The following RIC8B variants were observed in gnomAD, a reference collection of about 807,000 sequenced individuals.
The protein encoded by RIC8B is chaperone Ric-8B.
RIC8B carries 16 observed loss-of-function variants against 57.5 expected under a neutral mutation model. The ratio of observed to expected loss-of-function variants is 0.28; its 90% CI spans 0.19 to 0.42. The LOEUF (loss-of-function observed/expected upper bound fraction) is 0.42. Ranked by LOEUF, RIC8B falls within the 10% of genes least tolerant of loss-of-function variation. The pLI, the probability that RIC8B is intolerant of heterozygous loss-of-function variation, is 1.00. For synonymous variants in RIC8B, 216 were observed against 250.8 expected, an observed-to-expected ratio of 0.86 and a Z score of 1.31; for missense variants, 481 against 677.0, an observed-to-expected ratio of 0.71 and a Z score of 3.21.
intron 6 of RIC8B, among the ~76,000 whole-genome samples, chr12:106,846,642 T>C (rs1482108623): frequency 2.0e-5 from 3 of 152,064 alleles, no homozygotes; most frequent in Admixed American, 2.0e-4. Context: ...AAATACTTTT[T>C]TTCTGCATTT....
intron 8 of RIC8B, chr12:106,868,383 A>T (rs909873024): frequency 1.8e-5 from 8 of 455,848 alleles, no homozygotes; most frequent in African/African-American, 1.4e-4. Context: ...ACCTTCCCTT[A>T]TACTTTCTTC....
intron 6 of RIC8B, among the ~76,000 whole-genome samples, chr12:106,850,227 A>G (rs139170349): frequency 5.0e-3 from 758 of 152,334 alleles, no homozygotes; most frequent in South Asian, 0.02. Flanking sequence ...ATTATCTTCC[A>G]TGAAACTGGC....
intron 9 of RIC8B, among the ~76,000 whole-genome samples, chr12:106,880,748 T>C (rs1024823548): frequency 6.6e-6 from 1 of 152,096 alleles, no homozygotes; most frequent in African/African-American, 2.4e-5. Context: ...ACTGAGCACC[T>C]GCTGTGTGCT....
intron 4 of RIC8B, among the ~76,000 whole-genome samples, chr12:106,833,631 A>G (rs113761212): frequency 1.3e-5 from 2 of 152,268 alleles, no homozygotes; most frequent in Admixed American, 6.5e-5. Context: ...ATCAAATAGC[A>G]GAAGTTTTTC....
chr12:106,823,288 C>T (rs1207364347), intron 3 of RIC8B: 1 of 310,612 alleles, frequency 3.2e-6, no homozygotes, highest in East Asian at 8.1e-5. Context: ...CTGGAGTATG[C>T]AAAGGAACCA....
intron 2 of RIC8B, among the ~76,000 whole-genome samples, chr12:106,798,583 G>A (rs963298717): frequency 2.0e-5 from 3 of 152,074 alleles, no homozygotes; most frequent in Non-Finnish European, 2.9e-5. Flanking sequence ...GAATACTTTC[G>A]GTAATGGAAA....
intron 9 of RIC8B, among the ~76,000 whole-genome samples, chr12:106,883,658 C>T (rs1168459560): frequency 6.6e-6 from 1 of 152,064 alleles, no homozygotes; most frequent in East Asian, 1.9e-4. Context: ...GCCTTTTCTT[C>T]CCACAACCTC....
chr12:106,849,478 C>A (rs1200010475), intron 6 of RIC8B, among the ~76,000 whole-genome samples: 1 of 148,338 alleles, frequency 6.7e-6, no homozygotes, highest in African/African-American at 2.5e-5. Flanking sequence ...AAAAAAAAAA[C>A]TACAAAAAAA....
At chr12:106,801,339 G>A (rs1344463519) in intron 2 of RIC8B, among the ~76,000 whole-genome samples, 1 of 152,202 alleles carries the variant, frequency 6.6e-6, no homozygotes, top group Non-Finnish European at 1.5e-5. Flanking sequence ...ATGATGTAAT[G>A]TGTCTTTCTC....
chr12:106,824,078 C>A (rs2045981024), intron 3 of RIC8B, among the ~76,000 whole-genome samples: 1 of 152,196 alleles, frequency 6.6e-6, no homozygotes, highest in African/African-American at 2.4e-5. Flanking sequence ...CTCTGTCATT[C>A]CAGTAGTCCT....
At chr12:106,850,482 G>A (rs948587869) in intron 6 of RIC8B, among the ~76,000 whole-genome samples, 2 of 152,190 alleles carry the variant, frequency 1.3e-5, no homozygotes, top group African/African-American at 4.8e-5. Context: ...GTATGTGGGT[G>A]GATGAATGGG....
intron 9 of RIC8B, among the ~76,000 whole-genome samples, chr12:106,881,106 A>G (rs1950906691): frequency 6.6e-6 from 1 of 152,210 alleles, no homozygotes; most frequent in Non-Finnish European, 1.5e-5. Context: ...ACATAGGGAT[A>G]TGAAAATTGA....
intron 3 of RIC8B, among the ~76,000 whole-genome samples, chr12:106,817,792 T>G (rs866038946): frequency 8.7e-5 from 12 of 137,698 alleles, no homozygotes; most frequent in African/African-American, 2.8e-4. Context: ...GCCACTGCAC[T>G]CCAGCCTGGG....
At position 106,774,693 on chromosome 12, in the gene RIC8B, G is replaced by C. The variant is rs1422355642; in HGVS notation, c.-53G>C. The C allele has an allele frequency of 2.1e-6, 3 of 1,454,432 alleles. No homozygotes were observed. Among genetic ancestry groups the C allele is most frequent in the Admixed American group, 2.0e-5 (1 of 49,644 alleles). The allele number at this position is 1,454,432 out of a possible 1,614,324, so 90.1% of individuals were successfully genotyped here. A position where few individuals can be genotyped will look rare whatever the true frequency, so the allele number is the denominator to read the frequency against. Reference sequence around the variant, plus strand: ...AGCGGGGGCGCGAGGCGTTTACCTGGAGGCAGCGGCTTGGGCGCGCAGAGC... The same window carrying C: ...AGCGGGGGCGCGAGGCGTTTACCTGCAGGCAGCGGCTTGGGCGCGCAGAGC... On this transcript the variant is annotated 5_prime_UTR_variant, in exon 1 of 10. Transcript: ENST00000392837.
At chr12:106,874,532 C>A (rs1230516518) in intron 9 of RIC8B, 2 of 1,551,050 alleles carry the variant, frequency 1.3e-6, no homozygotes, top group Non-Finnish European at 1.7e-6. Context: ...AACAGTGGCC[C>A]GTGCCAAAGC....
chr12:106,804,651 T>G (rs2136241590), intron 2 of RIC8B, among the ~76,000 whole-genome samples: 1 of 152,392 alleles, frequency 6.6e-6, no homozygotes, highest in East Asian at 1.9e-4. Flanking sequence ...TTTGAAGATG[T>G]CATACTTAGT....
chr12:106,805,745 C>G (rs1593151562), intron 2 of RIC8B, among the ~76,000 whole-genome samples: 1 of 152,148 alleles, frequency 6.6e-6, no homozygotes, highest in Admixed American at 6.5e-5. Context: ...GGATTAATTC[C>G]AGACTCTTCA....
At chr12:106,860,977 ACT>A (rs1218002957) in intron 8 of RIC8B, among the ~76,000 whole-genome samples, 2 of 136,130 alleles carry the variant, frequency 1.5e-5, no homozygotes, top group African/African-American at 5.9e-5. Context: ...CAAACCAGAG[ACT>A]CTGTGAAGTC....
chr12:106,802,350 C>G (rs1331553104), intron 2 of RIC8B, among the ~76,000 whole-genome samples: 1 of 152,064 alleles, frequency 6.6e-6, no homozygotes, highest in Non-Finnish European at 1.5e-5. Context: ...TAGGGTCTAT[C>G]CCGTCACTAT....
Sources: gnomAD v4.1 joint callset for allele counts (sites outside exome capture counted in the v4.1 genomes callset) on GRCh38, gnomAD v4.1.1 for gene constraint, MANE v1.5 for transcripts, NCBI Gene and HGNC (gene_info 2026-07-23, HGNC 2026-07-21) for gene names.